The following SLC22A23 variants were observed in gnomAD, a reference collection of about 807,000 sequenced individuals.
The protein encoded by SLC22A23 is ion transporter protein.
Under a neutral mutation model 61.0 loss-of-function variants are expected in SLC22A23, and 26 were observed. The ratio of observed to expected loss-of-function variants is 0.43; its 90% CI spans 0.31 to 0.59. SLC22A23 has a LOEUF of 0.59. SLC22A23 is among the 20% of genes least tolerant of loss of function. The pLI is 0.11. For synonymous variants in SLC22A23, 430 were observed against 413.9 expected (o/e 1.04, Z -0.47); for missense variants, 796 against 934.7 (o/e 0.85, Z 1.94).
chr6:3,386,451 C>T lies in SLC22A23; in HGVS notation c.913+23737G>A, dbSNP rs1379511041. On this transcript the variant is annotated intron_variant, in intron 3 of 9. Coordinates refer to ENST00000406686, the MANE Select transcript of SLC22A23 (RefSeq NM_015482.2). The surrounding 1 kb of genome is among the most constrained non-coding windows in gnomAD (Gnocchi z 4.4). The stretch of plus-strand genomic sequence containing the variant: ...CAGGAGTTGGTGCTTCTCTTTCCTC[C>T]TCAAGAAGTTGGCTTCTCTGGAAAG... 1.3e-5 allele frequency among the ~76,000 whole-genome samples: 2 copies of T among 152,182 alleles called. No individual in the cohort carries two copies. The highest frequency in any genetic ancestry group is 3.9e-4 in the East Asian group (2 of 5,180).
chr6:3,315,150 A>G (rs1429941808), intron 4 of SLC22A23, among the ~76,000 whole-genome samples: 1 of 119,424 alleles, frequency 8.4e-6, no homozygotes, highest in African/African-American at 3.1e-5. Context: ...CCTGATTAAA[A>G]GTCTTGGGGA....
intron 1 of SLC22A23, among the ~76,000 whole-genome samples, chr6:3,419,598 A>G (rs1769982458): frequency 6.6e-6 from 1 of 152,172 alleles, no homozygotes; most frequent in African/African-American, 2.4e-5. Flanking sequence ...GGGAGCCAAC[A>G]GTTCTGGAGG....
chr6:3,411,810 T>A (rs1375946958), intron 2 of SLC22A23, among the ~76,000 whole-genome samples: 1 of 152,188 alleles, frequency 6.6e-6, no homozygotes, highest in African/African-American at 2.4e-5. Context: ...AAGTCAATAA[T>A]CTCACCTGGA....
chr6:3,369,550 G>A (rs968149052), intron 3 of SLC22A23, among the ~76,000 whole-genome samples: 1 of 152,128 alleles, frequency 6.6e-6, no homozygotes, highest in Non-Finnish European at 1.5e-5. Context: ...AATTAGCCGG[G>A]CGTGGTGGCG....
At position 3,333,412 on chromosome 6, in the gene SLC22A23, C is replaced by T. The variant is rs1763682900; in HGVS notation, c.914-9410G>A. Among the ~76,000 whole-genome samples the T allele has an allele frequency of 6.6e-6, 1 of 152,068 alleles. No homozygotes were observed. The highest frequency in any genetic ancestry group is 1.5e-5 in the Non-Finnish European group (1 of 68,016). On this transcript the variant is annotated intron_variant, in intron 3 of 9. Coordinates refer to ENST00000406686, the MANE Select transcript of SLC22A23 (RefSeq NM_015482.2). This position sits in a 1 kb window ranked among gnomAD's most constrained non-coding sequence, Gnocchi z 4.1. ...TGAAAGCAAAGTCTTTCACAGTGAC[C>T]CATGTGATTTCCACCCCTCCCGCAT...
intron 3 of SLC22A23, among the ~76,000 whole-genome samples, chr6:3,393,709 T>C (rs930449619): frequency 6.6e-6 from 1 of 152,256 alleles, no homozygotes; most frequent in Non-Finnish European, 1.5e-5. Flanking sequence ...TTTGGGTTCA[T>C]GTTTACAAAC....
chr6:3,452,303 C>A (rs1772188089), intron 1 of SLC22A23, among the ~76,000 whole-genome samples: 1 of 152,132 alleles, frequency 6.6e-6, no homozygotes, highest in Non-Finnish European at 1.5e-5. Context: ...ATGATTGGCA[C>A]CTGCTATTAG....
chr6:3,443,637 C>T (rs1771730754), intron 1 of SLC22A23, among the ~76,000 whole-genome samples: 1 of 152,190 alleles, frequency 6.6e-6, no homozygotes, highest in Non-Finnish European at 1.5e-5. Context: ...TAACCCCTTC[C>T]ACCCCAGCTT....
intron 3 of SLC22A23, among the ~76,000 whole-genome samples, chr6:3,326,372 C>T (rs1490627695): frequency 6.6e-6 from 1 of 152,160 alleles, no homozygotes; most frequent in Non-Finnish European, 1.5e-5. Context: ...CGATCACATG[C>T]GAGCTTGTTA....
At chr6:3,351,061 C>T (rs1326819885) in intron 3 of SLC22A23, among the ~76,000 whole-genome samples, 1 of 151,952 alleles carries the variant, frequency 6.6e-6, no homozygotes, top group Admixed American at 6.6e-5. Context: ...AAGGCCAGGC[C>T]GATTTGAACA....
chr6:3,299,570 CAATT>C (rs1317051683), intron 4 of SLC22A23, among the ~76,000 whole-genome samples: 3 of 152,186 alleles, frequency 2.0e-5, no homozygotes, highest in Non-Finnish European at 2.9e-5. Flanking sequence ...GTTTTATTAT[CAATT>C]AATTTTATAA....
intron 3 of SLC22A23, among the ~76,000 whole-genome samples, chr6:3,347,959 C>T (rs539077983): frequency 2.5e-4 from 38 of 152,280 alleles, no homozygotes; most frequent in Admixed American, 4.6e-4. Context: ...CCTGTCTCTG[C>T]GTGGTGATGT....
At chr6:3,432,245 C>T (rs887395639) in intron 1 of SLC22A23, 1 of 985,460 alleles carries the variant, frequency 1.0e-6, no homozygotes, top group East Asian at 1.1e-4. Flanking sequence ...GAGCCTGCGG[C>T]AGGAAAGCTC....
rs1758407068 is a variant in SLC22A23 at position 3,270,447 on chromosome 6, G to GGT, written c.*2606_*2607dup. On this transcript the variant is annotated 3_prime_UTR_variant, in exon 10 of 10. Coordinates refer to ENST00000406686, the MANE Select transcript of SLC22A23 (RefSeq NM_015482.2). ...TGCTGCTCTGGCAACATTTCATAAA[G>GGT]GTGTTGCTCAACAGCTTCAGGTATC... is the stretch of plus-strand genomic sequence containing the variant. 1 of 152,390 alleles carries GGT rather than the reference G, an allele frequency of 6.6e-6. No individual in the cohort carries two copies. The highest frequency in any genetic ancestry group is 6.5e-5 in the Admixed American group (1 of 15,292). 9.4% of individuals were successfully genotyped at this position (152,390 alleles called of 1,614,324 possible).
rs2127392045 is a variant in SLC22A23, at chr6:3,318,539, T to C, written c.1082+5295A>G. Among the ~76,000 whole-genome samples, 1 of 152,164 alleles carries C rather than the reference T, an allele frequency of 6.6e-6. No homozygotes were observed. The highest frequency in any genetic ancestry group is 1.5e-5 in the Non-Finnish European group (1 of 67,996). On this transcript the variant is annotated intron_variant, in intron 4 of 9. Coordinates refer to ENST00000406686, the MANE Select transcript of SLC22A23 (RefSeq NM_015482.2). The surrounding 1 kb of genome is among the most constrained non-coding windows in gnomAD (Gnocchi z 4.3). Reference sequence around the variant, plus strand: ...ACCGCAATAAAGGCTCCTGCCCACGTTTTTGCCTCCCTGTGTGCCTCCTGG... The same window carrying C: ...ACCGCAATAAAGGCTCCTGCCCACGCTTTTGCCTCCCTGTGTGCCTCCTGG...
chr6:3,276,416 C>T (rs1030190504), intron 9 of SLC22A23, among the ~76,000 whole-genome samples: 2 of 152,226 alleles, frequency 1.3e-5, no homozygotes, highest in African/African-American at 2.4e-5. Flanking sequence ...GGCGCATCTT[C>T]TGCACCCCCT....
chr6:3,368,279 C>T (rs566947799), intron 3 of SLC22A23, among the ~76,000 whole-genome samples: 76 of 152,314 alleles, frequency 5.0e-4, no homozygotes, highest in African/African-American at 1.7e-3. Context: ...GGCTTCCCCG[C>T]GAGGCCCTTG....
At chr6:3,369,690 C>T (rs919982805) in intron 3 of SLC22A23, among the ~76,000 whole-genome samples, 5 of 144,988 alleles carry the variant, frequency 3.4e-5, no homozygotes, top group Admixed American at 2.1e-4. Context: ...GACTCCATCT[C>T]AAAAAAAAAA....
At chr6:3,332,180 G>A (rs1330145705) in intron 3 of SLC22A23, among the ~76,000 whole-genome samples, 1 of 152,150 alleles carries the variant, frequency 6.6e-6, no homozygotes, top group Non-Finnish European at 1.5e-5. Flanking sequence ...CAGTTCCCCA[G>A]CTGTCGGAGG....
Sources: gnomAD v4.1 joint callset for allele counts (sites outside exome capture counted in the v4.1 genomes callset) on GRCh38, gnomAD v4.1.1 for gene constraint, Gnocchi (gnomAD v3.1) non-coding constraint, MANE v1.5 for transcripts, NCBI Gene and HGNC (gene_info 2026-07-23, HGNC 2026-07-21) for gene names.